EXOC6: variants seen among roughly 807,000 people sequenced by gnomAD.
EXOC6 encodes the protein SEC15-like 1.
EXOC6 carries 60 observed loss-of-function variants against 112.5 expected under a neutral mutation model. The ratio of observed to expected loss-of-function variants is 0.53; its 90% CI spans 0.43 to 0.66. The LOEUF (loss-of-function observed/expected upper bound fraction) is 0.66. Ranked by LOEUF, EXOC6 falls within the 30% of genes least tolerant of loss-of-function variation. The pLI, the probability that EXOC6 is intolerant of heterozygous loss-of-function variation, is 0.00. For missense variants in EXOC6, 855 were observed against 957.1 expected (o/e 0.89, Z 1.41); for synonymous variants, 295 against 308.0 (o/e 0.96, Z 0.44).
At chr10:92,959,354 A>C (rs1261154627) in intron 17 of EXOC6, among the ~76,000 whole-genome samples, 1 of 152,204 alleles carries the variant, frequency 6.6e-6, no homozygotes, top group Non-Finnish European at 1.5e-5. Flanking sequence ...ACTGACTCAA[A>C]ATGTTTCACA....
chr10:92,984,390 C>G (rs1452753328), intron 18 of EXOC6, among the ~76,000 whole-genome samples: 1 of 152,032 alleles, frequency 6.6e-6, no homozygotes, highest in Non-Finnish European at 1.5e-5. Context: ...CAAGAGGCCT[C>G]TTTTAAGAGG....
rs1842562644 is a variant in EXOC6 at position 92,975,892 on chromosome 10, G to A, written c.1953+1660G>A. Among the ~76,000 whole-genome samples the A allele has an allele frequency of 2.2e-5, 3 of 133,470 alleles. No individual in the cohort carries two copies. The South Asian group carries it at 7.4e-4, about 33-fold the overall frequency. 87.6% of individuals were successfully genotyped at this position (133,470 alleles called of 152,430 possible). A position where few individuals can be genotyped will look rare whatever the true frequency, so the allele number is the denominator to read the frequency against. On this transcript the variant is annotated intron_variant, in intron 18 of 21. Coordinates refer to ENST00000260762, the MANE Select transcript of EXOC6 (RefSeq NM_019053.6). ...GGGAAGTGAGGAGCCCCTCTGCCTG[G>A]CCAGCCGCCCCGTCCGGGAGGGAGG...
chr10:93,042,374 T>C (rs1388561015), intron 20 of EXOC6, among the ~76,000 whole-genome samples: 2 of 152,222 alleles, frequency 1.3e-5, no homozygotes, highest in Non-Finnish European at 2.9e-5. Context: ...GTAATCAGCA[T>C]GTTAGTTTGT....
intron 8 of EXOC6, among the ~76,000 whole-genome samples, chr10:92,920,319 T>C (rs1356581809): frequency 2.6e-5 from 4 of 152,228 alleles, no homozygotes; most frequent in African/African-American, 9.6e-5. Context: ...ATCACAGTTC[T>C]TATAAGTTAC....
intron 6 of EXOC6, among the ~76,000 whole-genome samples, chr10:92,914,872 G>A (rs1589822879): frequency 1.3e-5 from 2 of 152,212 alleles, no homozygotes; most frequent in Non-Finnish European, 2.9e-5. Context: ...GTCTCGCAGT[G>A]TGTAAGGAAA....
intron 17 of EXOC6, among the ~76,000 whole-genome samples, chr10:92,971,799 C>G (rs1842309856): frequency 1.3e-5 from 2 of 152,066 alleles, no homozygotes; most frequent in African/African-American, 2.4e-5. Flanking sequence ...TCTGAGCTGC[C>G]TCACAGTTTC....
chr10:93,029,821 G>A (rs1434813835), intron 20 of EXOC6, among the ~76,000 whole-genome samples: 1 of 151,844 alleles, frequency 6.6e-6, no homozygotes, highest in African/African-American at 2.4e-5. Context: ...GGGATGTAAA[G>A]TTCCAGATTC....
At chr10:93,046,987 G>C (rs535340910) in intron 20 of EXOC6, among the ~76,000 whole-genome samples, 36 of 152,268 alleles carry the variant, frequency 2.4e-4, no homozygotes, top group Middle Eastern at 3.4e-3. Context: ...ACCTGGATAA[G>C]GTGCAAGAGA....
At chr10:93,017,656 G>T (rs1290724476) in intron 20 of EXOC6, among the ~76,000 whole-genome samples, 1 of 152,008 alleles carries the variant, frequency 6.6e-6, no homozygotes, top group Non-Finnish European at 1.5e-5. Context: ...TAAAATCTCA[G>T]ACTTCACCAC....
At chr10:92,881,385 G>C (rs1848956914) in intron 1 of EXOC6, among the ~76,000 whole-genome samples, 1 of 152,116 alleles carries the variant, frequency 6.6e-6, no homozygotes, top group African/African-American at 2.4e-5. Flanking sequence ...CTTATTGTAA[G>C]ATGTGCAAAG....
intron 14 of EXOC6, among the ~76,000 whole-genome samples, chr10:92,950,234 T>C (rs974303966): frequency 4.1e-4 from 62 of 152,324 alleles, no homozygotes; most frequent in African/African-American, 1.2e-3. Flanking sequence ...TATTTTTTCC[T>C]AGTTTAAGTA....
chr10:92,847,739 C>T (rs1337953776), upstream of EXOC6, among the ~76,000 whole-genome samples: 1 of 151,988 alleles, frequency 6.6e-6, no homozygotes, highest in Non-Finnish European at 1.5e-5. Flanking sequence ...CTGCTAACCC[C>T]CTTTCAAGAG....
At chr10:92,876,231 TTTC>T (rs1848681458) in intron 1 of EXOC6, among the ~76,000 whole-genome samples, 1 of 152,248 alleles carries the variant, frequency 6.6e-6, no homozygotes. Context: ...TCTAAAATAA[TTTC>T]TTAGTCAAGA....
rs370964467 is a variant in EXOC6 at position 92,948,256 on chromosome 10, A to G, written c.1311-18A>G. On this transcript the variant is annotated intron_variant, in intron 13 of 21. Coordinates refer to ENST00000260762, the MANE Select transcript of EXOC6 (RefSeq NM_019053.6). ...TATGCTTTGTAATGATAAGTTTTCA[A>G]TTTTCCTTTCCTAACAGGGACATTT... 336 of 1,510,996 alleles carry G rather than the reference A, an allele frequency of 2.2e-4. 1 individual carries two copies. The African/African-American group carries it at 3.3e-3, about 15-fold the overall frequency. The allele number at this position is 1,510,996 out of a possible 1,614,324, so 93.6% of individuals were successfully genotyped here. A position where few individuals can be genotyped will look rare whatever the true frequency, so the allele number is the denominator to read the frequency against.
At chr10:92,965,978 C>T (rs1473608695) in intron 17 of EXOC6, among the ~76,000 whole-genome samples, 1 of 152,016 alleles carries the variant, frequency 6.6e-6, no homozygotes, top group Non-Finnish European at 1.5e-5. Flanking sequence ...GATTTATTTG[C>T]TTCCTATTAT....
intron 18 of EXOC6, among the ~76,000 whole-genome samples, chr10:92,984,833 A>G (rs563844751): frequency 3.3e-4 from 50 of 152,106 alleles, no homozygotes; most frequent in African/African-American, 1.2e-3. Flanking sequence ...CCCTGTCTCT[A>G]CAAAAAATAC....
At chr10:92,870,867 G>A (rs911259864) in intron 1 of EXOC6, among the ~76,000 whole-genome samples, 3 of 151,936 alleles carry the variant, frequency 2.0e-5, no homozygotes, top group Non-Finnish European at 1.5e-5. Flanking sequence ...GCGCCACCAC[G>A]CCCAGCTAAT....
chr10:92,828,826 A>AAAC (rs972585866), intron 1 of EXOC6, among the ~76,000 whole-genome samples: 1 of 151,664 alleles, frequency 6.6e-6, no homozygotes, highest in Non-Finnish European at 1.5e-5. Context: ...GAGCAGGATT[A>AAAC]AACACCAGGT....
chr10:92,878,755 C>T (rs1466874778), intron 1 of EXOC6, among the ~76,000 whole-genome samples: 1 of 152,172 alleles, frequency 6.6e-6, no homozygotes, highest in Non-Finnish European at 1.5e-5. Flanking sequence ...GCCTATCTAC[C>T]TGTAACAATG....
Sources: allele counts gnomAD v4.1 joint callset (sites outside exome capture counted in the v4.1 genomes callset), GRCh38; gene constraint gnomAD v4.1.1; transcripts MANE v1.5; gene names NCBI Gene and HGNC (gene_info 2026-07-23, HGNC 2026-07-21).